Variants in UBE2O observed in about 807,000 individuals in gnomAD.
UBE2O encodes the protein (E3-independent) E2 ubiquitin-conjugating enzyme.
Under a neutral mutation model 125.8 loss-of-function variants are expected in UBE2O, and 15 were observed. The ratio of observed to expected loss-of-function variants is 0.12; its 90% CI spans 0.08 to 0.18. The LOEUF (loss-of-function observed/expected upper bound fraction) is 0.18. UBE2O is among the 10% of genes least tolerant of loss of function. The pLI, the probability that UBE2O is intolerant of heterozygous loss-of-function variation, is 1.00. For missense variants in UBE2O, 1,280 were observed against 1,723.6 expected (o/e 0.74, Z 4.56); for synonymous variants, 708 against 703.2 (o/e 1.01, Z -0.11).
rs143482331 is a variant in UBE2O, at chr17:76,431,711, C to T, written c.417+21014G>A. Reference sequence around the variant, plus strand: ...TAATCCCAGGAGCTGGGAAGCCCAGCGGGGGGGACTGCTTGAAACCAGGAG... The same window carrying T: ...TAATCCCAGGAGCTGGGAAGCCCAGTGGGGGGGACTGCTTGAAACCAGGAG... On this transcript the variant is annotated intron_variant, in intron 1 of 17. Transcript: ENST00000319380. 5.2e-3 allele frequency among the ~76,000 whole-genome samples: 784 copies of T among 152,084 alleles called. 5 individuals carry two copies. The highest frequency in any genetic ancestry group is 0.018 in the African/African-American group (752 of 41,476).
At position 76,400,596 on chromosome 17, in the gene UBE2O, G is replaced by C. The variant is rs2072304961; in HGVS notation, c.895-46C>G. 1 of 1,397,768 alleles carries C rather than the reference G, an allele frequency of 7.2e-7. No homozygotes were observed. Among genetic ancestry groups the C allele is most frequent in the Non-Finnish European group, 9.9e-7 (1 of 1,008,304 alleles). 86.6% of individuals were successfully genotyped at this position (1,397,768 alleles called of 1,614,324 possible). A position where few individuals can be genotyped will look rare whatever the true frequency, so the allele number is the denominator to read the frequency against. On this transcript the variant is annotated intron_variant, in intron 6 of 17. Transcript: ENST00000319380. The surrounding 1 kb of genome is among the most constrained non-coding windows in gnomAD (Gnocchi z 4.3). ...ACGCCAGTCAGGGCAGGCTCTGACAGCACTCTCTTTAGCCAGCTGCCCAAA... is the reference window on the plus strand; with the variant it reads ...ACGCCAGTCAGGGCAGGCTCTGACACCACTCTCTTTAGCCAGCTGCCCAAA...
chr17:76,442,265 T>C (rs2073086027), intron 1 of UBE2O, among the ~76,000 whole-genome samples: 1 of 152,178 alleles, frequency 6.6e-6, no homozygotes, highest in African/African-American at 2.4e-5. Flanking sequence ...CTTCCTAGTA[T>C]TAGGATGCCC....
intron 1 of UBE2O, among the ~76,000 whole-genome samples, chr17:76,423,553 C>T (rs1335388655): frequency 3.3e-5 from 5 of 151,806 alleles, no homozygotes; most frequent in Non-Finnish European, 4.4e-5. Context: ...ATTAGCCAGG[C>T]ATGGTGGCAC....
chr17:76,423,563 C>T (rs867623093), intron 1 of UBE2O, among the ~76,000 whole-genome samples: 2 of 151,606 alleles, frequency 1.3e-5, no homozygotes, highest in African/African-American at 2.4e-5. Context: ...CATGGTGGCA[C>T]GTACCTATAG....
intron 1 of UBE2O, among the ~76,000 whole-genome samples, chr17:76,442,993 T>A (rs1418416987): frequency 6.6e-6 from 1 of 152,172 alleles, no homozygotes; most frequent in Non-Finnish European, 1.5e-5. Context: ...AAATTAAAAA[T>A]GACCCCAAAT....
At chr17:76,451,107 G>C (rs540727156) in intron 1 of UBE2O, among the ~76,000 whole-genome samples, 14 of 152,240 alleles carry the variant, frequency 9.2e-5, no homozygotes, top group African/African-American at 3.4e-4. Flanking sequence ...TGAGTCCTAG[G>C]GCAGGAGGCC....
intron 1 of UBE2O, among the ~76,000 whole-genome samples, chr17:76,437,521 C>T (rs1342180391): frequency 2.6e-5 from 4 of 151,332 alleles, no homozygotes; most frequent in African/African-American, 9.7e-5. Flanking sequence ...TGGATTGGAT[C>T]CTGGAAAAGA....
chr17:76,420,263 C>T (rs184204431), intron 1 of UBE2O, among the ~76,000 whole-genome samples: 26 of 152,272 alleles, frequency 1.7e-4, no homozygotes, highest in Admixed American at 7.8e-4. Context: ...GTAAAAATAA[C>T]ACACAAGAGC....
intron 1 of UBE2O, among the ~76,000 whole-genome samples, chr17:76,447,291 A>C (rs768161855): frequency 3.0e-4 from 46 of 152,214 alleles, no homozygotes; most frequent in Non-Finnish European, 5.4e-4. Context: ...CTCCACTTAG[A>C]AGTGTGACAC....
chr17:76,418,292 T>C (rs544511708), intron 1 of UBE2O, among the ~76,000 whole-genome samples: 17 of 152,274 alleles, frequency 1.1e-4, no homozygotes, highest in Admixed American at 3.9e-4. Flanking sequence ...AAAAACTCAT[T>C]TTATCACAGT....
In UBE2O at chr17:76,452,431, T is replaced by C. The variant is rs1364840618; in HGVS notation, c.417+294A>G. On this transcript the variant is annotated intron_variant, in intron 1 of 17. Coordinates refer to ENST00000319380, the MANE Select transcript of UBE2O (RefSeq NM_022066.4). This position sits in a 1 kb window ranked among gnomAD's most constrained non-coding sequence, Gnocchi z 4.4. ...GAACCTGAGTCCCCACGGGAGTCGGTCCACGTCTCTAAATCTCGAGGCCGA... is the reference window on the plus strand; with the variant it reads ...GAACCTGAGTCCCCACGGGAGTCGGCCCACGTCTCTAAATCTCGAGGCCGA... Among the ~76,000 whole-genome samples the C allele has an allele frequency of 6.6e-6, 1 of 151,878 alleles. No individual in the cohort carries two copies. Among genetic ancestry groups the C allele is most frequent in the Non-Finnish European group, 1.5e-5 (1 of 67,984 alleles).
rs143562804 is a variant in UBE2O, at chr17:76,438,043, C to T, written c.417+14682G>A. Among the ~76,000 whole-genome samples the T allele has an allele frequency of 5.4e-4, 82 of 152,268 alleles. 1 individual carries two copies. The East Asian group carries it at 0.014, about 26-fold the overall frequency. Reference sequence around the variant, plus strand: ...ACTCCTCTGTCCACACTGCTATTACCGGCAGGACCAGCCACCTGGCCATGC... The same window carrying T: ...ACTCCTCTGTCCACACTGCTATTACTGGCAGGACCAGCCACCTGGCCATGC... On this transcript the variant is annotated intron_variant, in intron 1 of 17. Transcript: ENST00000319380.
chr17:76,428,305 G>A (rs1014520511), intron 1 of UBE2O, among the ~76,000 whole-genome samples: 1 of 152,100 alleles, frequency 6.6e-6, no homozygotes, highest in Non-Finnish European at 1.5e-5. Context: ...ACTTATGACT[G>A]TCCATTCTGA....
chr17:76,414,964 T>A (rs1282855655), intron 1 of UBE2O, among the ~76,000 whole-genome samples: 4 of 152,202 alleles, frequency 2.6e-5, no homozygotes, highest in Non-Finnish European at 5.9e-5. Context: ...GAAGGCCGCC[T>A]CCTTCCTCAA....
At chr17:76,407,582 G>A (rs966346559) in intron 1 of UBE2O, among the ~76,000 whole-genome samples, 2 of 152,220 alleles carry the variant, frequency 1.3e-5, no homozygotes, top group African/African-American at 4.8e-5. Context: ...CAGGAAAGGA[G>A]GAGAGAAGAA....
chr17:76,451,686 A>T (rs911451482), intron 1 of UBE2O, among the ~76,000 whole-genome samples: 13 of 152,162 alleles, frequency 8.5e-5, no homozygotes, highest in Non-Finnish European at 1.8e-4. Context: ...CCTCCCAAGG[A>T]CCTAAAACAG....
rs148309345 is a variant in UBE2O, at chr17:76,422,813, T to G, written c.418-17241A>C. ...CCACACCTGCAGTCTGTGTGCCCCA[T>G]GGGGGTTAGAATGTGAACCACACAA... On this transcript the variant is annotated intron_variant, in intron 1 of 17. Transcript: ENST00000319380. Among the ~76,000 whole-genome samples the G allele has an allele frequency of 5.5e-3, 835 of 152,314 alleles. 5 individuals carry two copies. Among genetic ancestry groups the G allele is most frequent in the Non-Finnish European group, 9.5e-3 (645 of 68,016 alleles).
Position 76,398,878 on chromosome 17 carries a change from T to A in UBE2O, c.1742A>T (p.Asn581Ile), listed in dbSNP as rs747009607. 2.5e-6 allele frequency: 4 copies of A among 1,614,192 alleles called. No individual in the cohort carries two copies. The Admixed American group carries it at 6.7e-5, about 27-fold the overall frequency. The stretch of plus-strand genomic sequence containing the variant: ...GAAGTCTCCAGGGCAGAACTCGTTG[T>A]TGTCCAGGTGGTGCACAGGGAAGAG... ...NDLFPVHHLDNNEFCPGDFVV... is the reference protein window; with the variant it reads ...NDLFPVHHLDINEFCPGDFVV... Residue 581 changes from asparagine to isoleucine, a missense_variant, in exon 10 of 18, where the codon AAC becomes ATC. By Grantham distance (149) the Asn-to-Ile change is moderately radical. This residue lies in a region of UBE2O where 145 missense variants were observed against 219.6 expected (regional missense o/e 0.66). Transcript: ENST00000319380. The surrounding 1 kb of genome is among the most constrained non-coding windows in gnomAD (Gnocchi z 5.4).
Position 76,398,362 on chromosome 17 carries a change from C to T in UBE2O, c.1918G>A (p.Val640Met). 2 of 1,614,174 alleles carry T rather than the reference C, an allele frequency of 1.2e-6. No individual in the cohort carries two copies. Among genetic ancestry groups the T allele is most frequent in the Non-Finnish European group, 1.7e-6 (2 of 1,180,034 alleles). The change falls in exon 12 of 18, where the codon GTG (valine) becomes ATG (methionine). Residue 640 changes from valine (V) to methionine (M), a missense_variant. Val to Met is a conservative substitution (Grantham distance 21, BLOSUM62 1). Coordinates refer to ENST00000319380, the MANE Select transcript of UBE2O (RefSeq NM_022066.4). This position sits in a 1 kb window ranked among gnomAD's most constrained non-coding sequence, Gnocchi z 5.4. Reference protein sequence around the residue: ...DVELIGEEEDVSVYDIADHPD... With the variant: ...DVELIGEEEDMSVYDIADHPD... ...TGGTCAGCAATGTCGTAAACACTCA[C>T]ATCTTCCTCTTCTCCAATCAGCTGT...
Sources: gnomAD v4.1 joint callset for allele counts (sites outside exome capture counted in the v4.1 genomes callset) on GRCh38, gnomAD v4.1.1 for gene constraint, gnomAD v4.1.1 regional missense constraint, Gnocchi (gnomAD v3.1) non-coding constraint, MANE v1.5 for transcripts, NCBI Gene and HGNC (gene_info 2026-07-23, HGNC 2026-07-21) for gene names.